Variants in MPDZ observed in about 807,000 individuals in gnomAD.
The protein encoded by MPDZ is multiple PDZ domain protein.
MPDZ carries 234 observed loss-of-function variants against 239.1 expected under a neutral mutation model. That is an observed-to-expected ratio of 0.98 (90% CI 0.88 to 1.09). The LOEUF is 1.09. Ranked by LOEUF, MPDZ falls within the 50% of genes least tolerant of loss-of-function variation. The pLI is 0.00. For synonymous variants in MPDZ, 1,048 were observed against 881.3 expected, an observed-to-expected ratio of 1.19 and a Z score of -3.35; for missense variants, 3,175 against 2,510.0, an observed-to-expected ratio of 1.26 and a Z score of -5.66.
At position 13,188,810 on chromosome 9, in the gene MPDZ, T is replaced by G; in HGVS notation, c.2338A>C (p.Arg780=). 1 of 1,613,336 alleles carries G rather than the reference T, an allele frequency of 6.2e-7. No individual in the cohort carries two copies. The highest frequency in any genetic ancestry group is 8.5e-7 in the Non-Finnish European group (1 of 1,179,444). The change falls in exon 17 of 47, where the codon AGA becomes CGA. Residue 780 remains arginine (R), a synonymous_variant. Coordinates refer to ENST00000319217, the MANE Select transcript of MPDZ (RefSeq NM_001378778.1). ...ALKGAPSGTV[R]IGVAKPLPLS... is the part of the protein sequence containing the mutation. ...GGTAAAGGCTTAGCAACTCCTATTC[T>G]CACAGTCCCTGACGGTGCTCCCTTC... is the stretch of plus-strand genomic sequence containing the variant.
intron 39 of MPDZ, among the ~76,000 whole-genome samples, chr9:13,116,760 G>A (rs774056363): frequency 4.0e-5 from 6 of 151,826 alleles, no homozygotes; most frequent in Admixed American, 2.0e-4. Flanking sequence ...AGTGATTTAC[G>A]CCCAGTAAAA....
At chr9:13,258,241 C>CA (rs1969896368) in intron 1 of MPDZ, among the ~76,000 whole-genome samples, 1 of 152,210 alleles carries the variant, frequency 6.6e-6, no homozygotes, top group Non-Finnish European at 1.5e-5. Context: ...TAACACAAAC[C>CA]ATTCTGCTCA....
At chr9:13,138,202 C>A in intron 28 of MPDZ, 49 bp from the exon 29 acceptor site, 2 of 1,458,864 alleles carry the variant, frequency 1.4e-6, no homozygotes, top group South Asian at 3.2e-5. Flanking sequence ...AATTTACAGT[C>A]AAATGCTTTA....
chr9:13,222,199 C>G, intron 6 of MPDZ, 34 bp downstream of exon 6: 1 of 1,545,164 alleles, frequency 6.5e-7, no homozygotes, highest in Non-Finnish European at 8.8e-7. Context: ...TTGAAAAATA[C>G]GTTCTGTTCC....
intron 1 of MPDZ, among the ~76,000 whole-genome samples, chr9:13,258,777 G>T (rs1281996066): frequency 1.3e-5 from 2 of 152,060 alleles, no homozygotes; most frequent in African/African-American, 4.8e-5. Flanking sequence ...TTATTTTCAA[G>T]TAGACATTTA....
intron 18 of MPDZ, among the ~76,000 whole-genome samples, chr9:13,184,546 C>G (rs1953831936): frequency 6.6e-6 from 1 of 151,820 alleles, no homozygotes; most frequent in African/African-American, 2.4e-5. Flanking sequence ...ATTTTCTCTT[C>G]AAATATACTT....
chr9:13,127,215 T>C (rs1182667345), intron 32 of MPDZ, among the ~76,000 whole-genome samples: 2 of 152,150 alleles, frequency 1.3e-5, no homozygotes, highest in African/African-American at 2.4e-5. Context: ...CCCCTCTTCT[T>C]CCTTTAGCAG....
chr9:13,198,219 TTA>T (rs1301026062), intron 12 of MPDZ, among the ~76,000 whole-genome samples: 1 of 152,142 alleles, frequency 6.6e-6, no homozygotes, highest in African/African-American at 2.4e-5. Flanking sequence ...ATCAACAGCA[TTA>T]TGAGGGTTCC....
chr9:13,220,696 T>C (rs1958997938), intron 7 of MPDZ, among the ~76,000 whole-genome samples: 1 of 152,020 alleles, frequency 6.6e-6, no homozygotes, highest in Non-Finnish European at 1.5e-5. Flanking sequence ...GAATATTTGA[T>C]GAGCTGGACT....
At chr9:13,185,494 T>A (rs1953968418) in intron 18 of MPDZ, among the ~76,000 whole-genome samples, 1 of 152,072 alleles carries the variant, frequency 6.6e-6, no homozygotes, top group South Asian at 2.1e-4. Flanking sequence ...TGCACAATGT[T>A]TGCCCCACAA....
intron 40 of MPDZ, 53 bp from the exon 41 acceptor site, chr9:13,114,074 A>C: frequency 7.6e-7 from 1 of 1,311,184 alleles, no homozygotes; most frequent in Non-Finnish European, 1.1e-6. Context: ...CATACTCCCT[A>C]AATACCACTT....
chr9:13,259,919 C>T (rs943771981), intron 1 of MPDZ, among the ~76,000 whole-genome samples: 3 of 152,080 alleles, frequency 2.0e-5, no homozygotes, highest in Admixed American at 6.5e-5. Flanking sequence ...CTGCAACCTC[C>T]GCCTCCCAGG....
chr9:13,154,212 C>G (rs1949544433), intron 24 of MPDZ, among the ~76,000 whole-genome samples: 1 of 151,912 alleles, frequency 6.6e-6, no homozygotes, highest in African/African-American at 2.4e-5. Context: ...GCCAAAATGA[C>G]ACAGTAATGA....
intron 1 of MPDZ, among the ~76,000 whole-genome samples, chr9:13,259,206 G>T (rs1970104929): frequency 6.7e-6 from 1 of 150,126 alleles, no homozygotes. Flanking sequence ...GCCTCCGCTG[G>T]ATACATTAGG....
chr9:13,167,335 C>T (rs901683658), intron 22 of MPDZ, among the ~76,000 whole-genome samples: 1 of 152,034 alleles, frequency 6.6e-6, no homozygotes, highest in African/African-American at 2.4e-5. Flanking sequence ...AAAGCATACA[C>T]AAATATGAAA....
At chr9:13,202,033 G>A (rs1045193466) in intron 12 of MPDZ, among the ~76,000 whole-genome samples, 1 of 152,032 alleles carries the variant, frequency 6.6e-6, no homozygotes, top group African/African-American at 2.4e-5. Flanking sequence ...CACAATCCTT[G>A]TATTTTTACA....
intron 35 of MPDZ, 25 bp from the exon 36 acceptor site, chr9:13,123,323 A>G (rs1042640110): frequency 8.3e-6 from 13 of 1,565,724 alleles, no homozygotes; most frequent in Non-Finnish European, 1.0e-5. Flanking sequence ...AAAATGAAAT[A>G]CAAATAAAAA....
rs554487380 is a variant in MPDZ, at chr9:13,190,231, A to C, written c.2037T>G (p.Asp679Glu). ...GAACCTCTTCTGTACTCTGACCCGC[A>C]TCAGTCATCGCCAGCACTGGATCCT... is the stretch of plus-strand genomic sequence containing the variant. ...ETEDPVLAMT[D>E]AGQSTEEVQA... Residue 679 changes from aspartate (D) to glutamate (E), a missense_variant, in exon 16 of 47, where the codon GAT becomes GAG. Transcript: ENST00000319217. The C allele has an allele frequency of 3.1e-6, 5 of 1,612,678 alleles. No individual in the cohort carries two copies. In the African/African-American group the frequency reaches 5.3e-5, roughly 17 times the overall value.
At chr9:13,131,403 T>A (rs892689242) in intron 32 of MPDZ, among the ~76,000 whole-genome samples, 5 of 152,184 alleles carry the variant, frequency 3.3e-5, no homozygotes, top group African/African-American at 1.2e-4. Context: ...CTTCCAATAG[T>A]ATCTCTAATA....
Sources: gnomAD v4.1 joint callset for allele counts (sites outside exome capture counted in the v4.1 genomes callset) on GRCh38, gnomAD v4.1.1 for gene constraint, MANE v1.5 for transcripts, NCBI Gene and HGNC (gene_info 2026-07-23, HGNC 2026-07-21) for gene names.